The following PPP2R3A variants were observed in gnomAD, a reference collection of about 807,000 sequenced individuals.
PPP2R3A encodes the protein protein phosphatase 2 regulatory subunit B''alpha.
A neutral mutation model predicts 106.9 loss-of-function variants in PPP2R3A; 80 were observed. The observed-to-expected ratio is 0.75, with a 90% CI of 0.62 to 0.90. PPP2R3A has a LOEUF of 0.90. Among genes scored for constraint, PPP2R3A ranks in the 40% least tolerant of loss-of-function variants. The probability of loss-of-function intolerance (pLI) is 0.00; values close to 1 mark genes in which losing one functional copy is unlikely to be tolerated. For synonymous variants in PPP2R3A, 483 were observed against 468.3 expected, an observed-to-expected ratio of 1.03 and a Z score of -0.41; for missense variants, 1,386 against 1,350.4, an observed-to-expected ratio of 1.03 and a Z score of -0.41.
At chr3:136,143,795 G>GA (rs1397263897) in intron 13 of PPP2R3A, among the ~76,000 whole-genome samples, 3 of 151,980 alleles carry the variant, frequency 2.0e-5, no homozygotes, top group Non-Finnish European at 2.9e-5. Flanking sequence ...CATCTCAAAA[G>GA]AAAAAACACA....
At chr3:136,103,481 A>C (rs897423142) in intron 12 of PPP2R3A, 105 bp downstream of exon 12, 2 of 738,984 alleles carry the variant, frequency 2.7e-6, no homozygotes, top group African/African-American at 1.8e-5. Context: ...TAAAGAGGTA[A>C]CATTTGTAAC....
chr3:136,128,340 CA>C (rs1156708467), intron 13 of PPP2R3A, among the ~76,000 whole-genome samples: 5,282 of 103,490 alleles, frequency 0.051, 271 homozygotes, highest in African/African-American at 0.16. Flanking sequence ...AAATGGAAAG[CA>C]AAAAAAAAAA....
At position 136,058,205 on chromosome 3, in the gene PPP2R3A, T is replaced by G. The variant is rs530958661; in HGVS notation, c.2469+8844T>G. Among the ~76,000 whole-genome samples the G allele has an allele frequency of 8.6e-5, 13 of 152,018 alleles. No homozygotes were observed. The South Asian group carries it at 1.9e-3, about 22-fold the overall frequency. ...AGGGCAGTCAGGCAAGAGAAAGAAA[T>G]AAAGGGCATCAGGAAGTCACACTAT... On this transcript the variant is annotated intron_variant, in intron 5 of 13. Transcript: ENST00000264977.
chr3:136,059,638 A>G (rs1177821223), intron 5 of PPP2R3A, among the ~76,000 whole-genome samples: 1 of 152,228 alleles, frequency 6.6e-6, no homozygotes, highest in Non-Finnish European at 1.5e-5. Flanking sequence ...TATGTATACA[A>G]AGGAATATAA....
chr3:136,027,083 G>A lies in PPP2R3A; in HGVS notation c.2247G>A (p.Met749Ile). 1 of 1,612,544 alleles carries A rather than the reference G, an allele frequency of 6.2e-7. No individual in the cohort carries two copies. The highest frequency in any genetic ancestry group is 8.5e-7 in the Non-Finnish European group (1 of 1,179,300). The change falls in exon 3 of 14, where the codon ATG becomes ATA. Residue 749 changes from methionine (M) to isoleucine (I), a missense_variant. Physicochemically the swap from Met to Ile is conservative, Grantham distance 10. Coordinates refer to ENST00000264977, the MANE Select transcript of PPP2R3A (RefSeq NM_002718.5). The part of the protein sequence containing the change: ...IEEQKADIYE[M>I]GKIAKVCGCP... ...AACAGAAAGCAGACATTTATGAAAT[G>A]GGGAAAATTGCAAAGGTAATGTAAC...
At chr3:135,965,953 C>G (rs1463236115) in intron 1 of PPP2R3A, 104 bp downstream of exon 1, 1 of 134,926 alleles carries the variant, frequency 7.4e-6, no homozygotes, top group Non-Finnish European at 1.6e-5. Flanking sequence ...CCGGGGCGGG[C>G]GGGGCCGGGA....
At chr3:136,134,232 C>T (rs2108022244) in intron 13 of PPP2R3A, among the ~76,000 whole-genome samples, 1 of 152,310 alleles carries the variant, frequency 6.6e-6, no homozygotes, top group African/African-American at 2.4e-5. Flanking sequence ...TGCAGGAAGA[C>T]ACGCACTTTC....
intron 1 of PPP2R3A, among the ~76,000 whole-genome samples, chr3:135,997,524 G>A (rs564657416): frequency 4.2e-4 from 64 of 152,210 alleles, no homozygotes; most frequent in African/African-American, 1.4e-3. Flanking sequence ...TCAGAGCTGC[G>A]TCTCCAACCC....
chr3:136,047,877 C>T (rs183120360), intron 4 of PPP2R3A, among the ~76,000 whole-genome samples: 3 of 150,220 alleles, frequency 2.0e-5, no homozygotes, highest in East Asian at 2.0e-4. Context: ...TGCACTCCAG[C>T]GTAGGCAACA....
chr3:136,059,555 G>T (rs1478802839), intron 5 of PPP2R3A, among the ~76,000 whole-genome samples: 6 of 152,148 alleles, frequency 3.9e-5, no homozygotes, highest in Non-Finnish European at 8.8e-5. Context: ...CAATCATTAT[G>T]GAAGACAGTG....
At chr3:135,997,816 T>A (rs1933460706) in intron 1 of PPP2R3A, among the ~76,000 whole-genome samples, 1 of 152,190 alleles carries the variant, frequency 6.6e-6, no homozygotes, top group Non-Finnish European at 1.5e-5. Flanking sequence ...CTCTTTGTTA[T>A]TACTGTCACC....
chr3:135,979,584 T>C (rs939480575), intron 1 of PPP2R3A, among the ~76,000 whole-genome samples: 12 of 151,816 alleles, frequency 7.9e-5, no homozygotes, highest in African/African-American at 2.7e-4. Context: ...TTGCTGCTCA[T>C]TTTAAAAGGC....
chr3:136,058,842 G>C (rs556635503), intron 5 of PPP2R3A, among the ~76,000 whole-genome samples: 54 of 152,174 alleles, frequency 3.5e-4, no homozygotes, highest in African/African-American at 1.3e-3. Flanking sequence ...AAATAAGACT[G>C]CACAGCTACA....
chr3:136,000,937 G>T (rs1330505471), intron 1 of PPP2R3A, 122 bp from the exon 2 acceptor site: 2 of 381,910 alleles, frequency 5.2e-6, no homozygotes, highest in Non-Finnish European at 4.6e-6. Flanking sequence ...TTGAATATCA[G>T]CTGTAAGGGA....
At chr3:136,057,362 A>C (rs1393164990) in intron 5 of PPP2R3A, among the ~76,000 whole-genome samples, 2 of 152,194 alleles carry the variant, frequency 1.3e-5, no homozygotes, top group African/African-American at 4.8e-5. Flanking sequence ...ATTTGCAGCA[A>C]TATGGATAGA....
chr3:136,124,320 C>T (rs9840812), intron 13 of PPP2R3A, among the ~76,000 whole-genome samples: 113,578 of 151,992 alleles, frequency 0.75, 42,821 homozygotes, highest in East Asian at 0.87. Flanking sequence ...CGAGACCCCA[C>T]TTCTACAGAA....
intron 13 of PPP2R3A, 22 bp downstream of exon 13, chr3:136,106,344 T>C (rs1456515036): frequency 6.3e-7 from 1 of 1,597,662 alleles, no homozygotes; most frequent in African/African-American, 1.3e-5. Context: ...TCCCTATGTC[T>C]TATAGAATTT....
At chr3:136,127,882 T>A (rs1019197890) in intron 13 of PPP2R3A, among the ~76,000 whole-genome samples, 5 of 152,166 alleles carry the variant, frequency 3.3e-5, no homozygotes, top group African/African-American at 1.2e-4. Context: ...GAAAAGAATT[T>A]TCAACCCAGA....
chr3:136,060,086 G>T (rs1374188549), intron 5 of PPP2R3A, among the ~76,000 whole-genome samples: 1 of 152,098 alleles, frequency 6.6e-6, no homozygotes, highest in East Asian at 1.9e-4. Flanking sequence ...CCCTCTTGAC[G>T]CAAGTTTACC....
Sources: gnomAD v4.1 joint callset for allele counts (sites outside exome capture counted in the v4.1 genomes callset) on GRCh38, gnomAD v4.1.1 for gene constraint, MANE v1.5 for transcripts, NCBI Gene and HGNC (gene_info 2026-07-23, HGNC 2026-07-21) for gene names.